Variants in TXNRD1 observed in about 807,000 individuals in gnomAD.
TXNRD1 encodes the protein thioredoxin reductase 1, cytoplasmic.
In TXNRD1, 57 loss-of-function variants were observed where a neutral mutation model predicts 80.3. The observed-to-expected ratio is 0.71, with a 90% CI of 0.57 to 0.89. The LOEUF (loss-of-function observed/expected upper bound fraction) is 0.89, where lower values mean the gene tolerates loss of function less well. Among genes scored for constraint, TXNRD1 ranks in the 40% least tolerant of loss-of-function variants. TXNRD1 has a pLI of 0.00. For missense variants in TXNRD1, 730 were observed against 803.0 expected, an observed-to-expected ratio of 0.91 and a Z score of 1.10; for synonymous variants, 291 against 285.2, an observed-to-expected ratio of 1.02 and a Z score of -0.20.
At chr12:104,256,399 A>G (rs186502457) in intron 2 of TXNRD1, among the ~76,000 whole-genome samples, 7 of 152,294 alleles carry the variant, frequency 4.6e-5, no homozygotes, top group African/African-American at 1.7e-4. Flanking sequence ...GAATTGCAAT[A>G]TTTATTTCTT....
At chr12:104,336,084 G>C (rs1405204069) in intron 15 of TXNRD1, among the ~76,000 whole-genome samples, 1 of 152,064 alleles carries the variant, frequency 6.6e-6, no homozygotes, top group Non-Finnish European at 1.5e-5. Context: ...GCAGACAAAA[G>C]GAGAAAATGT....
chr12:104,341,232 T>G (rs951587168), intron 16 of TXNRD1, among the ~76,000 whole-genome samples: 1 of 152,228 alleles, frequency 6.6e-6, no homozygotes, highest in African/African-American at 2.4e-5. Flanking sequence ...GGTCCTCTTA[T>G]GATGTTGAAG....
intron 1 of TXNRD1, among the ~76,000 whole-genome samples, chr12:104,251,060 C>G (rs1403608599): frequency 1.3e-5 from 2 of 152,294 alleles, no homozygotes; most frequent in East Asian, 3.9e-4. Context: ...GTCTGCTTAT[C>G]CAGGAGTTAA....
chr12:104,302,485 C>CT (rs1565887593), intron 4 of TXNRD1, among the ~76,000 whole-genome samples: 1 of 31,780 alleles, frequency 3.1e-5, no homozygotes, highest in Non-Finnish European at 6.1e-5. Context: ...GTATTCATTC[C>CT]CTTTTTTTTT....
chr12:104,281,591 A>G (rs1023836490), intron 3 of TXNRD1, among the ~76,000 whole-genome samples: 12 of 151,806 alleles, frequency 7.9e-5, no homozygotes, highest in African/African-American at 2.9e-4. Context: ...TATTTTTAGT[A>G]GAGATGGGGT....
At chr12:104,299,763 G>A (rs1298533795) in intron 4 of TXNRD1, among the ~76,000 whole-genome samples, 38 of 110,176 alleles carry the variant, frequency 3.4e-4, no homozygotes, top group East Asian at 1.2e-3. Context: ...ACAAGACTCC[G>A]TCTCAAAAAA....
At chr12:104,304,807 G>A (rs1228330761) in intron 4 of TXNRD1, 2 of 1,614,026 alleles carry the variant, frequency 1.2e-6, no homozygotes, top group South Asian at 2.2e-5. Flanking sequence ...TTAACCAAAT[G>A]GGTGAGGGAA....
chr12:104,254,644 A>AAG, intron 2 of TXNRD1, among the ~76,000 whole-genome samples: 1 of 93,650 alleles, frequency 1.1e-5, no homozygotes, highest in Non-Finnish European at 1.9e-5. Context: ...AAAAAAAAAA[A>AAG]ATATATATAT....
In TXNRD1 at chr12:104,315,866, C is replaced by A. The variant is rs751064845; in HGVS notation, c.700C>A (p.Arg234=). ...GTTAGGACAAGCCCTGCAAGACTCT[C>A]GAAATTATGGATGGAAAGTCGAGGA... The part of the protein sequence containing the change: ...ALLGQALQDS[R]NYGWKVEETV... The change falls in exon 7 of 17, where the codon CGA becomes AGA. Residue 234 remains arginine, a synonymous_variant. Transcript: ENST00000525566. The A allele has an allele frequency of 1.9e-6, 3 of 1,611,152 alleles. No homozygotes were observed. The highest frequency in any genetic ancestry group is 1.1e-5 in the South Asian group (1 of 90,860).
At chr12:104,272,532 C>G (rs746780031) in intron 3 of TXNRD1, among the ~76,000 whole-genome samples, 1 of 152,128 alleles carries the variant, frequency 6.6e-6, no homozygotes, top group Non-Finnish European at 1.5e-5. Flanking sequence ...CTGTGGCTCA[C>G]GCCTGCAATC....
At chr12:104,342,947 G>A (rs935300758) in intron 16 of TXNRD1, among the ~76,000 whole-genome samples, 3 of 152,146 alleles carry the variant, frequency 2.0e-5, no homozygotes, top group African/African-American at 4.8e-5. Flanking sequence ...GGAGTGACAC[G>A]GTTATATTTG....
intron 2 of TXNRD1, among the ~76,000 whole-genome samples, chr12:104,257,225 C>T (rs2033272710): frequency 6.6e-6 from 1 of 151,390 alleles, no homozygotes; most frequent in African/African-American, 2.4e-5. Flanking sequence ...TAACCATGAG[C>T]ATAAGATTTT....
intron 15 of TXNRD1, among the ~76,000 whole-genome samples, chr12:104,335,226 G>A (rs957463666): frequency 7.0e-6 from 1 of 143,790 alleles, no homozygotes; most frequent in African/African-American, 2.6e-5. Flanking sequence ...TTTTGAGACG[G>A]AGTCTTGCTC....
At chr12:104,267,721 C>CTCTCTT (rs1158350636) in intron 3 of TXNRD1, among the ~76,000 whole-genome samples, 47 of 84,756 alleles carry the variant, frequency 5.5e-4, no homozygotes, top group Non-Finnish European at 1.1e-3. Flanking sequence ...TTCTTTCTTT[C>CTCTCTT]TCTTTCTTTC....
intron 15 of TXNRD1, among the ~76,000 whole-genome samples, chr12:104,334,609 A>G (rs1275873161): frequency 1.3e-5 from 2 of 152,092 alleles, no homozygotes; most frequent in East Asian, 1.9e-4. Context: ...TGACCTCGTA[A>G]TCTGCCTGTC....
chr12:104,305,806 T>A (rs909702350), intron 4 of TXNRD1, among the ~76,000 whole-genome samples: 10 of 152,228 alleles, frequency 6.6e-5, no homozygotes, highest in African/African-American at 2.4e-4. Flanking sequence ...CTAGTGTCCC[T>A]TTGTGGTCTT....
chr12:104,255,573 C>T (rs892876235), intron 2 of TXNRD1, among the ~76,000 whole-genome samples: 4 of 152,058 alleles, frequency 2.6e-5, no homozygotes, highest in Admixed American at 1.3e-4. Flanking sequence ...CCGAGGCGGG[C>T]GGATCACCTG....
At chr12:104,324,484 T>C (rs923944884) in intron 10 of TXNRD1, among the ~76,000 whole-genome samples, 2 of 151,804 alleles carry the variant, frequency 1.3e-5, no homozygotes, top group Admixed American at 1.3e-4. Context: ...CCCAAGTAGC[T>C]GGGACTACAG....
At chr12:104,267,832 T>A (rs566004808) in intron 3 of TXNRD1, among the ~76,000 whole-genome samples, 111 of 135,446 alleles carry the variant, frequency 8.2e-4, no homozygotes, top group African/African-American at 2.7e-3. Flanking sequence ...CCCTCCCTCC[T>A]TCCCTCCTTC....
Sources: gnomAD v4.1 joint callset for allele counts (sites outside exome capture counted in the v4.1 genomes callset) on GRCh38, gnomAD v4.1.1 for gene constraint, MANE v1.5 for transcripts, NCBI Gene and HGNC (gene_info 2026-07-23, HGNC 2026-07-21) for gene names.